The following NCAM2 variants were observed in gnomAD, a reference collection of about 807,000 sequenced individuals.
NCAM2 encodes the protein N-CAM-2.
Under a neutral mutation model 98.1 loss-of-function variants are expected in NCAM2, and 30 were observed. The observed-to-expected ratio is 0.31, with a 90% CI of 0.23 to 0.41. NCAM2 has a LOEUF of 0.41. Ranked by LOEUF, NCAM2 falls within the 10% of genes least tolerant of loss-of-function variation. The pLI, the probability that NCAM2 is intolerant of heterozygous loss-of-function variation, is 1.00. For synonymous variants in NCAM2, 368 were observed against 342.4 expected (o/e 1.07, Z -0.83); for missense variants, 867 against 1,005.8 (o/e 0.86, Z 1.87).
At chr21:21,388,961 A>G (rs1242231715) in intron 9 of NCAM2, among the ~76,000 whole-genome samples, 1 of 152,192 alleles carries the variant, frequency 6.6e-6, no homozygotes, top group Admixed American at 6.5e-5. Context: ...AGTTGTATGT[A>G]TTTAAGGGAT....
At chr21:21,037,131 A>G (rs1253253884) in intron 1 of NCAM2, among the ~76,000 whole-genome samples, 4 of 152,152 alleles carry the variant, frequency 2.6e-5, no homozygotes, top group Non-Finnish European at 4.4e-5. Flanking sequence ...CCCGGGCTCA[A>G]TGAATCTTTC....
chr21:21,521,263 G>A lies in NCAM2; in HGVS notation c.2282+12208G>A, dbSNP rs980215676. Among the ~76,000 whole-genome samples the A allele has an allele frequency of 6.6e-5, 10 of 152,212 alleles. No homozygotes were observed. In the East Asian group the frequency reaches 1.9e-3, roughly 29 times the overall value. The stretch of plus-strand genomic sequence containing the variant: ...CAGCCAGAATCACGGACTCACTAAA[G>A]GACTGAGACCTAATCATGGGATGAT... On this transcript the variant is annotated intron_variant, in intron 16 of 17. Transcript: ENST00000400546.
chr21:21,270,670 A>G (rs2072462535), intron 1 of NCAM2, among the ~76,000 whole-genome samples: 1 of 152,210 alleles, frequency 6.6e-6, no homozygotes, highest in Non-Finnish European at 1.5e-5. Flanking sequence ...TCCATTTTCA[A>G]AACAAAAGCA....
chr21:21,317,377 T>G (rs2147758990), intron 5 of NCAM2, among the ~76,000 whole-genome samples: 1 of 152,296 alleles, frequency 6.6e-6, no homozygotes, highest in African/African-American at 2.4e-5. Context: ...TCACACTTAC[T>G]TATACTTTCC....
intron 16 of NCAM2, among the ~76,000 whole-genome samples, chr21:21,533,027 A>C (rs759696209): frequency 2.6e-5 from 4 of 152,082 alleles, no homozygotes; most frequent in Admixed American, 6.6e-5. Flanking sequence ...AGGTACCTAC[A>C]TACTCAGATA....
At chr21:21,535,831 A>G (rs1226366422) in intron 17 of NCAM2, among the ~76,000 whole-genome samples, 1 of 152,186 alleles carries the variant, frequency 6.6e-6, no homozygotes, top group African/African-American at 2.4e-5. Flanking sequence ...AATCACCAAT[A>G]TAAAATAATA....
chr21:21,078,185 C>T (rs8129884), intron 1 of NCAM2, among the ~76,000 whole-genome samples: 148,283 of 152,246 alleles, frequency 0.97, 72,310 homozygotes, highest in Middle Eastern at 1. Flanking sequence ...TTACCTCTAG[C>T]TTATTCTCAG....
intron 1 of NCAM2, among the ~76,000 whole-genome samples, chr21:21,231,364 A>G (rs1434339174): frequency 6.6e-6 from 1 of 151,368 alleles, no homozygotes; most frequent in Non-Finnish European, 1.5e-5. Flanking sequence ...ACAGGAATAT[A>G]TGTATCATTA....
At chr21:21,467,890 A>T (rs1378258273) in intron 13 of NCAM2, among the ~76,000 whole-genome samples, 1 of 151,956 alleles carries the variant, frequency 6.6e-6, no homozygotes, top group Non-Finnish European at 1.5e-5. Flanking sequence ...AAAGAAAGAA[A>T]AAAGAAATGA....
chr21:21,396,130 T>C (rs1414152603), intron 9 of NCAM2, among the ~76,000 whole-genome samples: 1 of 141,370 alleles, frequency 7.1e-6, no homozygotes, highest in Non-Finnish European at 1.6e-5. Context: ...AGGACTAATA[T>C]CAAGAATCTA....
chr21:21,368,244 G>A (rs1183891568), intron 8 of NCAM2, among the ~76,000 whole-genome samples: 1 of 151,754 alleles, frequency 6.6e-6, no homozygotes, highest in African/African-American at 2.4e-5. Context: ...TATACCTAAA[G>A]GGTCTGTGAC....
chr21:21,268,380 C>T (rs2072364549), intron 1 of NCAM2, among the ~76,000 whole-genome samples: 1 of 151,876 alleles, frequency 6.6e-6, no homozygotes, highest in Non-Finnish European at 1.5e-5. Flanking sequence ...TACCCAACAA[C>T]ATGACACTGC....
intron 17 of NCAM2, among the ~76,000 whole-genome samples, chr21:21,537,524 T>G (rs1301187922): frequency 6.6e-6 from 1 of 152,236 alleles, no homozygotes; most frequent in African/African-American, 2.4e-5. Context: ...TAAGCCACCC[T>G]ATAGTGAGCA....
chr21:21,229,156 T>C lies in NCAM2; in HGVS notation c.56-51422T>C, dbSNP rs1325294703. Among the ~76,000 whole-genome samples, 5 of 151,600 alleles carry C rather than the reference T, an allele frequency of 3.3e-5. No individual in the cohort carries two copies. In the East Asian group the frequency reaches 7.7e-4, roughly 23 times the overall value. On this transcript the variant is annotated intron_variant, in intron 1 of 17. Coordinates refer to ENST00000400546, the MANE Select transcript of NCAM2 (RefSeq NM_004540.5). Reference sequence around the variant, plus strand: ...AACTTGCTTGGAGATGTTAATGTGGTATTTGAGGGGATTTTAATTTATCAA... The same window carrying C: ...AACTTGCTTGGAGATGTTAATGTGGCATTTGAGGGGATTTTAATTTATCAA...
intron 9 of NCAM2, among the ~76,000 whole-genome samples, chr21:21,398,880 G>T (rs1434726706): frequency 6.6e-6 from 1 of 152,186 alleles, no homozygotes; most frequent in Non-Finnish European, 1.5e-5. Context: ...TCACTTGAAA[G>T]CCAAACATGA....
chr21:21,397,671 C>A (rs562863010), intron 9 of NCAM2, among the ~76,000 whole-genome samples: 1 of 152,320 alleles, frequency 6.6e-6, no homozygotes, highest in Admixed American at 6.5e-5. Context: ...GAGAGCAGAG[C>A]GCGACTGTGC....
rs1207234552 is a variant in NCAM2 at position 21,343,352 on chromosome 21, T to TACACACACACACACACAC, written c.1044+4823_1044+4824insCACACACACACACACACA. 5.4e-4 allele frequency among the ~76,000 whole-genome samples: 60 copies of TACACACACACACACACAC among 110,162 alleles called. 1 individual carries two copies. The highest frequency in any genetic ancestry group is 1.3e-3 in the East Asian group (6 of 4,630). The allele number at this position is 110,162 out of a possible 152,430, so 72.3% of individuals were successfully genotyped here. ...AGGACACCAAGTTAACAACTATCTATACACATACACACACACACACACACA... is the reference window on the plus strand; with the variant it reads ...AGGACACCAAGTTAACAACTATCTATACACACACACACACACACACACATACACACACACACACACACA... On this transcript the variant is annotated intron_variant, in intron 8 of 17. Transcript: ENST00000400546.
chr21:21,350,411 T>G (rs1341065903), intron 8 of NCAM2, among the ~76,000 whole-genome samples: 1 of 152,180 alleles, frequency 6.6e-6, no homozygotes, highest in Non-Finnish European at 1.5e-5. Context: ...AATTTTATAC[T>G]ACAATCCAGG....
chr21:21,097,584 C>A (rs916383085), intron 1 of NCAM2, among the ~76,000 whole-genome samples: 4 of 151,316 alleles, frequency 2.6e-5, no homozygotes, highest in African/African-American at 9.7e-5. Context: ...AATAAATGGT[C>A]CTATTTACAC....
Sources: allele counts gnomAD v4.1 joint callset (sites outside exome capture counted in the v4.1 genomes callset), GRCh38; gene constraint gnomAD v4.1.1; transcripts MANE v1.5; gene names NCBI Gene and HGNC (gene_info 2026-07-23, HGNC 2026-07-21).